TENM4: variants seen among roughly 807,000 people sequenced by gnomAD.
TENM4 encodes the protein teneurin-4.
Under a neutral mutation model 243.3 loss-of-function variants are expected in TENM4, and 82 were observed. The ratio of observed to expected loss-of-function variants is 0.34; its 90% confidence interval spans 0.28 to 0.40. The LOEUF is 0.40. TENM4 is among the 10% of genes least tolerant of loss of function. The pLI, the probability that TENM4 is intolerant of heterozygous loss-of-function variation, is 1.00. For missense variants in TENM4, 3,138 were observed against 3,673.3 expected (o/e 0.85, Z 3.77); for synonymous variants, 1,412 against 1,456.3 (o/e 0.97, Z 0.69).
At chr11:78,951,847 A>G (rs1006312587) in intron 6 of TENM4, among the ~76,000 whole-genome samples, 4 of 152,188 alleles carry the variant, frequency 2.6e-5, no homozygotes, top group African/African-American at 9.7e-5. Flanking sequence ...GGTGAACACA[A>G]TTCAGTCCAT....
chr11:79,293,867 T>C (rs1856399139), intron 2 of TENM4, among the ~76,000 whole-genome samples: 1 of 152,158 alleles, frequency 6.6e-6, no homozygotes, highest in South Asian at 2.1e-4. Context: ...AGGCAGAATG[T>C]TCTAAATAGG....
intron 3 of TENM4, among the ~76,000 whole-genome samples, chr11:79,187,840 G>A (rs78330399): frequency 0.09 from 13,696 of 152,208 alleles, 1,307 homozygotes; most frequent in East Asian, 0.41. Context: ...GCCAAGGAAG[G>A]CCTCAGAAGA....
chr11:79,027,036 C>A (rs1460504107), intron 6 of TENM4, among the ~76,000 whole-genome samples: 1 of 152,150 alleles, frequency 6.6e-6, no homozygotes, highest in Non-Finnish European at 1.5e-5. Context: ...TTCCTACACA[C>A]TCCCATGTGT....
intron 6 of TENM4, among the ~76,000 whole-genome samples, chr11:79,042,321 T>C (rs1859553470): frequency 6.6e-6 from 1 of 152,198 alleles, no homozygotes; most frequent in Admixed American, 6.5e-5. Flanking sequence ...TACCCTGCTA[T>C]GGTCTGAATT....
chr11:79,218,863 G>C (rs1012790192), intron 2 of TENM4, among the ~76,000 whole-genome samples: 14 of 152,188 alleles, frequency 9.2e-5, no homozygotes, highest in African/African-American at 3.4e-4. Flanking sequence ...AATTGAGTTA[G>C]GAAGGGATTA....
intron 4 of TENM4, among the ~76,000 whole-genome samples, chr11:79,124,354 A>G (rs180783845): frequency 1.1e-4 from 16 of 152,248 alleles, no homozygotes; most frequent in African/African-American, 3.9e-4. Context: ...GATTGGCAAA[A>G]TCTAATCAGC....
intron 20 of TENM4, among the ~76,000 whole-genome samples, chr11:78,733,393 G>A (rs544808113): frequency 6.6e-6 from 1 of 152,288 alleles, no homozygotes; most frequent in South Asian, 2.1e-4. Context: ...AAATGGGTTT[G>A]CTCTATGATG....
At chr11:79,272,222 C>T (rs1353147816) in intron 2 of TENM4, among the ~76,000 whole-genome samples, 1 of 152,156 alleles carries the variant, frequency 6.6e-6, no homozygotes, top group African/African-American at 2.4e-5. Context: ...TTCCATTCAA[C>T]AGTCATTGCC....
At chr11:79,378,655 G>A (rs996094391) in intron 1 of TENM4, among the ~76,000 whole-genome samples, 2 of 152,110 alleles carry the variant, frequency 1.3e-5, no homozygotes, top group African/African-American at 2.4e-5. Flanking sequence ...CTAATGAACT[G>A]AGAGGCACAG....
intron 21 of TENM4, among the ~76,000 whole-genome samples, chr11:78,730,176 C>T (rs1590974402): frequency 6.6e-6 from 1 of 152,216 alleles, no homozygotes; most frequent in East Asian, 1.9e-4. Context: ...GTGCCTAGCA[C>T]AGAAACGCTG....
chr11:78,835,779 T>TA (rs1858092285), intron 12 of TENM4, among the ~76,000 whole-genome samples: 1 of 152,202 alleles, frequency 6.6e-6, no homozygotes, highest in Non-Finnish European at 1.5e-5. Context: ...CACCCCTTGT[T>TA]GGTGCACTCC....
intron 7 of TENM4, among the ~76,000 whole-genome samples, chr11:78,901,609 G>A (rs1855930530): frequency 6.6e-6 from 1 of 152,248 alleles, no homozygotes; most frequent in East Asian, 1.9e-4. Flanking sequence ...AGCAGAGGGA[G>A]TGGTGACTGT....
chr11:79,242,279 C>T (rs554285606), intron 2 of TENM4, among the ~76,000 whole-genome samples: 308 of 152,234 alleles, frequency 2.0e-3, no homozygotes, highest in African/African-American at 7.0e-3. Context: ...TCATATCCCT[C>T]GCCAGGCCTC....
chr11:78,686,432 C>A (rs1225545589), intron 29 of TENM4, among the ~76,000 whole-genome samples: 1 of 151,710 alleles, frequency 6.6e-6, no homozygotes, highest in Admixed American at 6.6e-5. Context: ...TGAGCTGTTC[C>A]AGTAAATTAA....
chr11:79,136,030 T>G (rs1453450669), intron 4 of TENM4, among the ~76,000 whole-genome samples: 3 of 151,752 alleles, frequency 2.0e-5, no homozygotes, highest in African/African-American at 7.3e-5. Context: ...TTTTGGGAAC[T>G]TATGGGGAAG....
chr11:79,018,570 C>A (rs1858839808), intron 6 of TENM4, among the ~76,000 whole-genome samples: 1 of 152,082 alleles, frequency 6.6e-6, no homozygotes, highest in South Asian at 2.1e-4. Context: ...AGAAATGGAA[C>A]TTGGGCCTGA....
rs183417319 is a variant in TENM4, at chr11:78,714,985, C to T, written c.3822-2271G>A. ...TGAAGGGAAGAGACTGGATTTTGTTCGTTTTTGTTTTTCCAATGTTCTGCT... is the reference window on the plus strand; with the variant it reads ...TGAAGGGAAGAGACTGGATTTTGTTTGTTTTTGTTTTTCCAATGTTCTGCT... On this transcript the variant is annotated intron_variant, in intron 25 of 33. Coordinates refer to ENST00000278550, the MANE Select transcript of TENM4 (RefSeq NM_001098816.3). Among the ~76,000 whole-genome samples, 87 of 152,312 alleles carry T rather than the reference C, an allele frequency of 5.7e-4. 1 individual carries two copies. The highest frequency in any genetic ancestry group is 2.0e-3 in the African/African-American group (83 of 41,562).
At chr11:78,925,952 G>GAA (rs750793558) in intron 6 of TENM4, among the ~76,000 whole-genome samples, 9 of 146,140 alleles carry the variant, frequency 6.2e-5, no homozygotes, top group African/African-American at 2.1e-4. Flanking sequence ...AGGAGGAAAA[G>GAA]AAATAAAAAA....
intron 2 of TENM4, among the ~76,000 whole-genome samples, chr11:79,242,858 T>G (rs1379887894): frequency 6.6e-6 from 1 of 152,140 alleles, no homozygotes; most frequent in Non-Finnish European, 1.5e-5. Flanking sequence ...GGCTCTTGAG[T>G]CTTATTGCCA....
Sources: allele counts gnomAD v4.1 joint callset (sites outside exome capture counted in the v4.1 genomes callset), GRCh38; gene constraint gnomAD v4.1.1; transcripts MANE v1.5; gene names NCBI Gene and HGNC (gene_info 2026-07-23, HGNC 2026-07-21).